The following SIPA1L3 variants were observed in gnomAD, a reference collection of about 807,000 sequenced individuals.
SIPA1L3 encodes the protein signal-induced proliferation-associated 1-like protein 3.
In SIPA1L3, 59 loss-of-function variants were observed where a neutral mutation model predicts 150.1. That is an observed-to-expected ratio of 0.39 (90% CI 0.32 to 0.49). The LOEUF (loss-of-function observed/expected upper bound fraction) is 0.49. SIPA1L3 is among the 20% of genes least tolerant of loss of function. The pLI, the probability that SIPA1L3 is intolerant of heterozygous loss-of-function variation, is 0.86. For missense variants in SIPA1L3, 2,211 were observed against 2,489.5 expected (o/e 0.89, Z 2.38); for synonymous variants, 1,070 against 1,077.6 (o/e 0.99, Z 0.14).
intron 2 of SIPA1L3, among the ~76,000 whole-genome samples, chr19:38,074,991 C>T (rs956207954): frequency 6.6e-6 from 1 of 152,188 alleles, no homozygotes; most frequent in East Asian, 1.9e-4. Flanking sequence ...TCCTCAGCCT[C>T]CCAAAGTACG....
At chr19:38,021,447 T>G (rs1968371164) in intron 1 of SIPA1L3, among the ~76,000 whole-genome samples, 1 of 151,966 alleles carries the variant, frequency 6.6e-6, no homozygotes, top group Non-Finnish European at 1.5e-5. Flanking sequence ...ACAAGGGGAC[T>G]CTCTCAAATC....
At chr19:38,198,897 T>C (rs565449483) in intron 19 of SIPA1L3, among the ~76,000 whole-genome samples, 39 of 152,258 alleles carry the variant, frequency 2.6e-4, no homozygotes, top group African/African-American at 7.2e-4. Context: ...GGAGGCTGTG[T>C]GGTGAGCTGT....
intron 1 of SIPA1L3, among the ~76,000 whole-genome samples, chr19:37,993,020 C>T (rs1485385343): frequency 6.6e-6 from 1 of 152,150 alleles, no homozygotes; most frequent in Non-Finnish European, 1.5e-5. Flanking sequence ...GTGTCAGGCA[C>T]GGTGCTAAGC....
At chr19:37,987,217 C>T (rs904464463) in intron 1 of SIPA1L3, among the ~76,000 whole-genome samples, 9 of 152,188 alleles carry the variant, frequency 5.9e-5, no homozygotes, top group African/African-American at 1.7e-4. Context: ...TGTGAGCCAC[C>T]GCGCCCGGAC....
At chr19:38,107,994 A>C (rs545484732) in intron 7 of SIPA1L3, among the ~76,000 whole-genome samples, 4,157 of 143,800 alleles carry the variant, frequency 0.029, 181 homozygotes, top group African/African-American at 0.099. Flanking sequence ...AAAAAAAAGC[A>C]AAAAAAAAAA....
chr19:38,121,687 C>T (rs1038281294), intron 9 of SIPA1L3, among the ~76,000 whole-genome samples: 6 of 150,968 alleles, frequency 4.0e-5, no homozygotes, highest in African/African-American at 7.3e-5. Context: ...TGCAGTGAGC[C>T]GAGACCCTGC....
At chr19:38,180,593 C>T (rs548744750) in intron 15 of SIPA1L3, among the ~76,000 whole-genome samples, 90 of 145,804 alleles carry the variant, frequency 6.2e-4, no homozygotes, top group African/African-American at 2.0e-3. Flanking sequence ...TGGAGTGCAA[C>T]GGCATAATGG....
chr19:38,042,860 T>C (rs1425175084), intron 2 of SIPA1L3, among the ~76,000 whole-genome samples: 1 of 152,196 alleles, frequency 6.6e-6, no homozygotes, highest in Admixed American at 6.5e-5. Flanking sequence ...ATATTTCCTG[T>C]CAGCTACCCT....
chr19:38,065,891 G>A lies in SIPA1L3; in HGVS notation c.-310-15365G>A, dbSNP rs185445697. Among the ~76,000 whole-genome samples the A allele has an allele frequency of 2.7e-5, 3 of 110,712 alleles. No homozygotes were observed. In the East Asian group the frequency reaches 8.0e-4, roughly 30 times the overall value. 72.6% of individuals were successfully genotyped at this position (110,712 alleles called of 152,430 possible). ...GAGGCAACGTCTTGCTCTGTTGCCC[G>A]GGTTTGATCTCTTATTTATTTATCT... is the stretch of plus-strand genomic sequence containing the variant. On this transcript the variant is annotated intron_variant, in intron 2 of 21. Coordinates refer to ENST00000222345, the MANE Select transcript of SIPA1L3 (RefSeq NM_015073.3).
In SIPA1L3 at chr19:38,046,341, C is replaced by T. The variant is rs1470371488; in HGVS notation, c.-311+17185C>T. On this transcript the variant is annotated intron_variant, in intron 2 of 21. Transcript: ENST00000222345. The surrounding 1 kb of genome is among the most constrained non-coding windows in gnomAD (Gnocchi z 5.6). ...TGGCCTCATTTCCTCTCAGGCCCAG[C>T]GCTGCCAGCAGCCTGTCCCCCCTCC... is the stretch of plus-strand genomic sequence containing the variant. Among the ~76,000 whole-genome samples, 3 of 152,114 alleles carry T rather than the reference C, an allele frequency of 2.0e-5. No individual in the cohort carries two copies. The highest frequency in any genetic ancestry group is 4.1e-4 in the South Asian group (2 of 4,820).
chr19:38,182,971 G>A (rs191626282), intron 16 of SIPA1L3: 1 of 502,000 alleles, frequency 2.0e-6, no homozygotes, highest in East Asian at 3.3e-5. Context: ...GCACGCAATA[G>A]GTCAATGGTG....
chr19:38,028,670 C>T (rs530820395), intron 1 of SIPA1L3, among the ~76,000 whole-genome samples: 3 of 151,384 alleles, frequency 2.0e-5, no homozygotes, highest in South Asian at 2.1e-4. Context: ...GAGCCTGGCA[C>T]ATAGCAGGTG....
rs1415371285 is a variant in SIPA1L3 at position 38,193,690 on chromosome 19, C to A, written c.4750C>A (p.Leu1584Met). 1.3e-6 allele frequency: 2 copies of A among 1,575,038 alleles called. No homozygotes were observed. The highest frequency in any genetic ancestry group is 1.7e-6 in the Non-Finnish European group (2 of 1,168,258). Residue 1584 changes from leucine to methionine, a missense_variant, in exon 18 of 22, where the codon CTG (leucine) becomes ATG (methionine). Physicochemically the swap from Leu to Met is conservative, Grantham distance 15 (BLOSUM62 2). Transcript: ENST00000222345. Reference sequence around the variant, plus strand: ...CACCTGCGCCTTCCCGTCCAGCACGCTGCCTGCACGCCGCCAGCACCAGCA... The same window carrying A: ...CACCTGCGCCTTCCCGTCCAGCACGATGCCTGCACGCCGCCAGCACCAGCA... Reference protein sequence around the residue: ...TSTCAFPSSTLPARRQHQHPH... With the variant: ...TSTCAFPSSTMPARRQHQHPH...
At chr19:38,143,602 A>G (rs1364000419) in intron 12 of SIPA1L3, among the ~76,000 whole-genome samples, 12 of 133,868 alleles carry the variant, frequency 9.0e-5, no homozygotes. Flanking sequence ...GCAGTGGCGC[A>G]ATCTCAGCTC....
intron 1 of SIPA1L3, among the ~76,000 whole-genome samples, chr19:38,015,298 A>G (rs976609729): frequency 6.6e-6 from 1 of 152,230 alleles, no homozygotes; most frequent in Non-Finnish European, 1.5e-5. Flanking sequence ...CATTCTACCA[A>G]TATTCTACTT....
chr19:37,923,901 A>G (rs1447162705), intron 1 of SIPA1L3, among the ~76,000 whole-genome samples: 1 of 152,088 alleles, frequency 6.6e-6, no homozygotes, highest in Non-Finnish European at 1.5e-5. Context: ...CTGGGATTAC[A>G]GACACCTTCC....
Position 37,938,866 on chromosome 19 carries a change from G to A in SIPA1L3, c.-379+31508G>A, listed in dbSNP as rs151322831. On this transcript the variant is annotated intron_variant, in intron 1 of 21. Coordinates refer to ENST00000222345, the MANE Select transcript of SIPA1L3 (RefSeq NM_015073.3). ...TCAAACTCCTGAGCTCAGGTGATCC[G>A]CCTTTCTCAGCCTTCCAAAGTTCTG... is the stretch of plus-strand genomic sequence containing the variant. Among the ~76,000 whole-genome samples the A allele has an allele frequency of 4.0e-4, 61 of 152,138 alleles. 1 individual carries two copies. The highest frequency in any genetic ancestry group is 2.3e-3 in the South Asian group (11 of 4,812).
chr19:38,024,538 A>G (rs1968456848), intron 1 of SIPA1L3, among the ~76,000 whole-genome samples: 1 of 152,032 alleles, frequency 6.6e-6, no homozygotes, highest in African/African-American at 2.4e-5. Flanking sequence ...GGAGCCCGGC[A>G]CTGCCCCCCA....
chr19:37,977,478 A>G (rs1397358006), intron 1 of SIPA1L3, among the ~76,000 whole-genome samples: 1 of 152,046 alleles, frequency 6.6e-6, no homozygotes, highest in African/African-American at 2.4e-5. Context: ...CCTCATTATT[A>G]TTTTTATTGG....
Sources: allele counts gnomAD v4.1 joint callset (sites outside exome capture counted in the v4.1 genomes callset), GRCh38; gene constraint gnomAD v4.1.1; non-coding constraint Gnocchi (gnomAD v3.1); transcripts MANE v1.5; gene names NCBI Gene and HGNC (gene_info 2026-07-23, HGNC 2026-07-21).